PTPRT: variants seen among roughly 807,000 people sequenced by gnomAD.
PTPRT encodes receptor-type tyrosine-protein phosphatase T.
A neutral mutation model predicts 176.8 loss-of-function variants in PTPRT; 56 were observed. The observed-to-expected ratio is 0.32, with a 90% CI of 0.26 to 0.40. The LOEUF (loss-of-function observed/expected upper bound fraction) is 0.40. Among genes scored for constraint, PTPRT ranks in the 10% least tolerant of loss-of-function variants. PTPRT has a pLI of 1.00. For synonymous variants in PTPRT, 783 were observed against 739.0 expected, an observed-to-expected ratio of 1.06 and a Z score of -0.96; for missense variants, 1,540 against 1,908.2, an observed-to-expected ratio of 0.81 and a Z score of 3.60.
At chr20:42,974,671 C>G (rs1378467704) in intron 1 of PTPRT, among the ~76,000 whole-genome samples, 1 of 152,172 alleles carries the variant, frequency 6.6e-6, no homozygotes, top group Non-Finnish European at 1.5e-5. Flanking sequence ...AAAATTAGTA[C>G]AAGTTCCACT....
At chr20:42,901,411 A>C (rs1233937918) in intron 1 of PTPRT, among the ~76,000 whole-genome samples, 10 of 152,172 alleles carry the variant, frequency 6.6e-5, no homozygotes. Context: ...ACACACACAC[A>C]CACCCTTCTT....
intron 9 of PTPRT, among the ~76,000 whole-genome samples, chr20:42,426,297 G>C (rs2059163335): frequency 6.6e-6 from 1 of 152,070 alleles, no homozygotes; most frequent in South Asian, 2.1e-4. Context: ...TAACAGAATG[G>C]CATGGCAGAG....
intron 14 of PTPRT, among the ~76,000 whole-genome samples, chr20:42,241,746 C>A (rs1349706713): frequency 2.0e-5 from 3 of 151,962 alleles, no homozygotes; most frequent in African/African-American, 7.3e-5. Context: ...GAGCAGGATT[C>A]AATTTTCAGG....
At chr20:42,281,496 A>G (rs1335841015) in intron 13 of PTPRT, among the ~76,000 whole-genome samples, 1 of 151,058 alleles carries the variant, frequency 6.6e-6, no homozygotes, top group African/African-American at 2.4e-5. Context: ...GTAGCTGTAG[A>G]TTTTTTTCTC....
At position 43,091,420 on chromosome 20, in the gene PTPRT, G is replaced by GTCTC. The variant is rs143966073; in HGVS notation, c.88+98222_88+98225dup. Among the ~76,000 whole-genome samples, 248 of 147,250 alleles carry GTCTC rather than the reference G, an allele frequency of 1.7e-3. 1 individual carries two copies. The highest frequency in any genetic ancestry group is 6.0e-3 in the African/African-American group (239 of 39,916). On this transcript the variant is annotated intron_variant, in intron 1 of 30. Coordinates refer to ENST00000373187, the MANE Select transcript of PTPRT (RefSeq NM_007050.6). ...ATTATTTTGACTCTAGCTTTCTAGA[G>GTCTC]TCTCTCTCTCTCTCTCTCTGTATTT...
At chr20:42,428,801 A>ATT (rs2059189960) in intron 9 of PTPRT, among the ~76,000 whole-genome samples, 1 of 152,160 alleles carries the variant, frequency 6.6e-6, no homozygotes, top group Non-Finnish European at 1.5e-5. Context: ...CAATACTGAC[A>ATT]GGGCACCCCT....
chr20:42,676,292 A>G (rs1234337620), intron 7 of PTPRT, among the ~76,000 whole-genome samples: 1 of 152,036 alleles, frequency 6.6e-6, no homozygotes, highest in Non-Finnish European at 1.5e-5. Flanking sequence ...CATTTTTTCC[A>G]TAATCCCTGT....
intron 2 of PTPRT, among the ~76,000 whole-genome samples, chr20:42,867,509 G>A (rs1030440269): frequency 1.3e-5 from 2 of 149,170 alleles, no homozygotes; most frequent in Admixed American, 6.8e-5. Context: ...ACTGGGGCTG[G>A]AAGCCTAGAA....
chr20:42,970,030 C>T (rs1307750079), intron 1 of PTPRT, among the ~76,000 whole-genome samples: 2 of 152,162 alleles, frequency 1.3e-5, no homozygotes, highest in Admixed American at 1.3e-4. Flanking sequence ...TGAAGGTTTA[C>T]ATCTAGGCAG....
At chr20:42,597,146 T>C (rs985942295) in intron 7 of PTPRT, among the ~76,000 whole-genome samples, 1 of 152,146 alleles carries the variant, frequency 6.6e-6, no homozygotes, top group Non-Finnish European at 1.5e-5. Context: ...CAAAATTCAT[T>C]TCCTTGCAGC....
chr20:42,203,224 T>G (rs1169122558), intron 15 of PTPRT, among the ~76,000 whole-genome samples: 1 of 152,226 alleles, frequency 6.6e-6, no homozygotes, highest in East Asian at 1.9e-4. Context: ...ATATCTATTC[T>G]TTCAGAATTC....
At chr20:42,142,925 G>A (rs893107287) in intron 17 of PTPRT, among the ~76,000 whole-genome samples, 3 of 152,240 alleles carry the variant, frequency 2.0e-5, no homozygotes, top group Middle Eastern at 3.4e-3. Flanking sequence ...GAAACAGCCA[G>A]TCACACCAAG....
At chr20:43,034,258 A>C (rs1290748101) in intron 1 of PTPRT, among the ~76,000 whole-genome samples, 14 of 152,190 alleles carry the variant, frequency 9.2e-5, no homozygotes, top group Non-Finnish European at 1.8e-4. Flanking sequence ...CTTTGGCATA[A>C]AGTTCAGGAC....
In PTPRT at chr20:42,186,464, ACAGT is replaced by A. The variant is rs1490198076; in HGVS notation, c.2491+12772_2491+12775del. Among the ~76,000 whole-genome samples, 4 of 151,634 alleles carry A rather than the reference ACAGT, an allele frequency of 2.6e-5. No individual in the cohort carries two copies. The South Asian group carries it at 6.3e-4, about 24-fold the overall frequency. Reference sequence around the variant, plus strand: ...TGCCATTGCTCTGTCTAGCAATAGCACAGTCAAAGGTCCTGTGGTAGAAGGAGTG... The same window carrying A: ...TGCCATTGCTCTGTCTAGCAATAGCACAAAGGTCCTGTGGTAGAAGGAGTG... On this transcript the variant is annotated intron_variant, in intron 16 of 30. Coordinates refer to ENST00000373187, the MANE Select transcript of PTPRT (RefSeq NM_007050.6).
At chr20:42,688,879 G>A (rs2075745089) in intron 6 of PTPRT, among the ~76,000 whole-genome samples, 1 of 152,166 alleles carries the variant, frequency 6.6e-6, no homozygotes, top group Admixed American at 6.5e-5. Flanking sequence ...GGGATGTGGA[G>A]TCAAAGCAAA....
intron 5 of PTPRT, among the ~76,000 whole-genome samples, chr20:42,765,387 A>G (rs6072862): frequency 0.18 from 26,630 of 152,084 alleles, 2,476 homozygotes; most frequent in African/African-American, 0.21. Flanking sequence ...GTAGTGTCTG[A>G]TGGTGATGAT....
intron 4 of PTPRT, among the ~76,000 whole-genome samples, chr20:42,777,155 A>C (rs2077149452): frequency 6.6e-6 from 1 of 152,172 alleles, no homozygotes; most frequent in Non-Finnish European, 1.5e-5. Context: ...AACACAGAGC[A>C]GCCCAAGTGA....
At chr20:43,185,240 T>C (rs2015361605) in intron 1 of PTPRT, among the ~76,000 whole-genome samples, 1 of 152,234 alleles carries the variant, frequency 6.6e-6, no homozygotes, top group South Asian at 2.1e-4. Context: ...AGCTTTTTAA[T>C]TTATTTATTG....
At chr20:42,101,915 C>T (rs1985971616) in intron 26 of PTPRT, among the ~76,000 whole-genome samples, 1 of 152,188 alleles carries the variant, frequency 6.6e-6, no homozygotes, top group Non-Finnish European at 1.5e-5. Context: ...TTTCCAGGCT[C>T]TTTGTATGAG....
Sources: gnomAD v4.1 joint callset for allele counts (sites outside exome capture counted in the v4.1 genomes callset) on GRCh38, gnomAD v4.1.1 for gene constraint, MANE v1.5 for transcripts, NCBI Gene and HGNC (gene_info 2026-07-23, HGNC 2026-07-21) for gene names.